SLC12A6: variants seen among roughly 807,000 people sequenced by gnomAD.
SLC12A6 encodes the protein solute carrier family 12 member 6.
In SLC12A6, 66 loss-of-function variants were observed where a neutral mutation model predicts 135.3. The ratio of observed to expected loss-of-function variants is 0.49; its 90% confidence interval spans 0.40 to 0.60. The LOEUF is 0.60. Ranked by LOEUF, SLC12A6 falls within the 20% of genes least tolerant of loss-of-function variation. The pLI is 0.00. For missense variants in SLC12A6, 1,058 were observed against 1,452.3 expected (o/e 0.73, Z 4.41); for synonymous variants, 513 against 508.8 (o/e 1.01, Z -0.11).
intron 2 of SLC12A6, among the ~76,000 whole-genome samples, chr15:34,309,682 T>G (rs952554999): frequency 6.6e-6 from 1 of 152,230 alleles, no homozygotes. Context: ...GTCTTAGATA[T>G]AGTAAACAGA....
At chr15:34,275,100 G>C (rs984941638) in intron 3 of SLC12A6, among the ~76,000 whole-genome samples, 1 of 152,068 alleles carries the variant, frequency 6.6e-6, no homozygotes, top group Admixed American at 6.5e-5. Context: ...CTAGTTCTTA[G>C]ATTTTTTTTA....
intron 3 of SLC12A6, among the ~76,000 whole-genome samples, chr15:34,268,854 TC>T (rs1459723056): frequency 1.1e-4 from 16 of 149,398 alleles, no homozygotes; most frequent in African/African-American, 3.7e-4. Flanking sequence ...TTTCTTTTTT[TC>T]TTTCTTTCTT....
intron 2 of SLC12A6, among the ~76,000 whole-genome samples, chr15:34,277,641 C>T (rs1473858249): frequency 1.3e-5 from 2 of 151,992 alleles, no homozygotes; most frequent in African/African-American, 2.4e-5. Context: ...ACTAGAAGAA[C>T]CTTGGTCATC....
At chr15:34,274,425 A>G (rs1399804156) in intron 3 of SLC12A6, among the ~76,000 whole-genome samples, 1 of 152,148 alleles carries the variant, frequency 6.6e-6, no homozygotes, top group Non-Finnish European at 1.5e-5. Flanking sequence ...AGATACTTTT[A>G]CTTTCTTTAT....
intron 25 of SLC12A6, 106 bp from the exon 26 acceptor site, chr15:34,234,078 T>C: frequency 2.7e-6 from 2 of 727,518 alleles, no homozygotes; most frequent in South Asian, 2.9e-5. Context: ...ATTAGCTGCT[T>C]AATTATTATA....
At chr15:34,282,091 A>G (rs972214626) in intron 2 of SLC12A6, among the ~76,000 whole-genome samples, 2 of 152,178 alleles carry the variant, frequency 1.3e-5, no homozygotes, top group African/African-American at 4.8e-5. Context: ...GAACAGAATA[A>G]GCTGCGATAG....
At chr15:34,330,996 C>T (rs780116099) in intron 2 of SLC12A6, among the ~76,000 whole-genome samples, 3 of 151,744 alleles carry the variant, frequency 2.0e-5, no homozygotes, top group Non-Finnish European at 2.9e-5. Context: ...GAGTGGAGAC[C>T]GCACCATTGC....
chr15:34,321,687 A>T (rs984890783), intron 2 of SLC12A6, among the ~76,000 whole-genome samples: 2 of 152,264 alleles, frequency 1.3e-5, no homozygotes, highest in Non-Finnish European at 2.9e-5. Context: ...CAGTTTATTC[A>T]TAATATCCAA....
rs1891056889 is a variant in SLC12A6 at position 34,233,337 on chromosome 15, C to G, written c.*544G>C. On this transcript the variant is annotated 3_prime_UTR_variant, in exon 26 of 26. Transcript: ENST00000354181. ...TGCAGCCATGTTTCAAGTTAGTATC[C>G]TAATATAAAATTACAGCAGTGGGTA... The G allele has an allele frequency of 1.3e-5, 2 of 157,734 alleles. No homozygotes were observed. Among genetic ancestry groups the G allele is most frequent in the African/African-American group, 4.8e-5 (2 of 41,448 alleles). 9.8% of individuals were successfully genotyped at this position (157,734 alleles called of 1,614,324 possible). A position where few individuals can be genotyped will look rare whatever the true frequency, so the allele number is the denominator to read the frequency against.
chr15:34,321,708 CATCTT>C (rs1889104139), intron 2 of SLC12A6, among the ~76,000 whole-genome samples: 1 of 152,084 alleles, frequency 6.6e-6, no homozygotes, highest in African/African-American at 2.4e-5. Context: ...AAACTGGAAA[CATCTT>C]AGGTATACAT....
At chr15:34,325,831 C>G (rs1164692568) in intron 2 of SLC12A6, among the ~76,000 whole-genome samples, 1 of 152,170 alleles carries the variant, frequency 6.6e-6, no homozygotes, top group Admixed American at 6.5e-5. Flanking sequence ...AGACACTGTT[C>G]CTGCCCAAGG....
At position 34,251,989 on chromosome 15, in the gene SLC12A6, T is replaced by G. The variant is rs2244040; in HGVS notation, c.1333+181A>C. ...CATCACTCTGTAAAGGAGTACTGAA[T>G]AAGGACAGCTTTACTAATGGAAAAG... is the stretch of plus-strand genomic sequence containing the variant. On this transcript the variant is annotated intron_variant, in intron 10 of 25. Transcript: ENST00000354181. Among the ~76,000 whole-genome samples, 93,293 of 151,998 alleles carry G rather than the reference T, an allele frequency of 0.61. 29,619 individuals carry two copies. Among genetic ancestry groups the G allele is most frequent in the East Asian group, 0.71 (3,650 of 5,138 alleles).
chr15:34,278,941 A>T (rs1042525357), intron 2 of SLC12A6, among the ~76,000 whole-genome samples: 4 of 152,192 alleles, frequency 2.6e-5, no homozygotes, highest in African/African-American at 9.7e-5. Context: ...TAATTGAAAA[A>T]TTATGGGCAA....
At chr15:34,312,130 T>C (rs1387629980) in intron 2 of SLC12A6, among the ~76,000 whole-genome samples, 1 of 152,226 alleles carries the variant, frequency 6.6e-6, no homozygotes, top group African/African-American at 2.4e-5. Context: ...AGGAAAGTAG[T>C]CCTTGAGAAG....
intron 2 of SLC12A6, among the ~76,000 whole-genome samples, chr15:34,294,896 C>T (rs548974003): frequency 1.3e-5 from 2 of 152,276 alleles, no homozygotes; most frequent in Non-Finnish European, 2.9e-5. Flanking sequence ...TCCACGTTAG[C>T]TTTTATAGAC....
chr15:34,299,246 A>C (rs2141005252), intron 2 of SLC12A6, among the ~76,000 whole-genome samples: 1 of 152,282 alleles, frequency 6.6e-6, no homozygotes, highest in East Asian at 1.9e-4. Context: ...ATTTGGACCC[A>C]TTGGCTTATA....
At position 34,257,706 on chromosome 15, in the gene SLC12A6, G is replaced by C; in HGVS notation, c.626C>G (p.Thr209Arg). 2 of 1,611,620 alleles carry C rather than the reference G, an allele frequency of 1.2e-6. No individual in the cohort carries two copies. Among genetic ancestry groups the C allele is most frequent in the Admixed American group, 1.7e-5 (1 of 60,002 alleles). The change falls in exon 6 of 26, where the codon ACA (threonine) becomes AGA (arginine). Residue 209 changes from threonine to arginine, a missense_variant. This residue lies in a region of SLC12A6 where 139 missense variants were observed against 202.2 expected (regional missense o/e 0.69). Coordinates refer to ENST00000354181, the MANE Select transcript of SLC12A6 (RefSeq NM_001365088.1). Reference sequence around the variant, plus strand: ...AACTCCAGCTGTGCCCACCACCCATGTAAGGCGTAAAAAAAGGATCACTCC... The same window carrying C: ...AACTCCAGCTGTGCCCACCACCCATCTAAGGCGTAAAAAAAGGATCACTCC... ...IFGVILFLRLTWVVGTAGVLQ... is the reference protein window; with the variant it reads ...IFGVILFLRLRWVVGTAGVLQ...
rs746413340 is a variant in SLC12A6 at position 34,256,280 on chromosome 15, T to C, written c.694A>G (p.Met232Val). The C allele has an allele frequency of 2.1e-5, 33 of 1,599,720 alleles. No individual in the cohort carries two copies. The highest frequency in any genetic ancestry group is 1.7e-4 in the Middle Eastern group (1 of 6,058). The change falls in exon 7 of 26, where the codon ATG (methionine) becomes GTG (valine). Residue 232 changes from methionine (M) to valine (V), a missense_variant. Met to Val is a conservative substitution (Grantham distance 21). Transcript: ENST00000354181. ...GCACTCATGGAGATAGCAGTCAACA[T>C]TGTCTGCAGAGAAAAGGAAAGGAGA... ...AIVLICCCCT[M>V]LTAISMSAIA...
intron 19 of SLC12A6, among the ~76,000 whole-genome samples, chr15:34,240,056 C>T (rs376193779): frequency 1.3e-5 from 2 of 151,898 alleles, no homozygotes; most frequent in South Asian, 2.1e-4. Flanking sequence ...CCCATTAACT[C>T]GTCATTTACA....
Sources: gnomAD v4.1 joint callset for allele counts (sites outside exome capture counted in the v4.1 genomes callset) on GRCh38, gnomAD v4.1.1 for gene constraint, gnomAD v4.1.1 regional missense constraint, MANE v1.5 for transcripts, NCBI Gene and HGNC (gene_info 2026-07-23, HGNC 2026-07-21) for gene names.